Variants in MMS22L observed in about 807,000 individuals in gnomAD.
The protein encoded by MMS22L is MMS22 like, DNA repair protein, also known as protein MMS22-like.
Under a neutral mutation model 159.1 loss-of-function variants are expected in MMS22L, and 74 were observed. The observed-to-expected ratio is 0.47, with a 90% CI of 0.39 to 0.56. MMS22L has a LOEUF of 0.56. MMS22L is among the 20% of genes least tolerant of loss of function. The probability of loss-of-function intolerance (pLI) is 0.00; values close to 1 mark genes in which losing one functional copy is unlikely to be tolerated. For synonymous variants in MMS22L, 517 were observed against 506.9 expected (o/e 1.02, Z -0.27); for missense variants, 1,351 against 1,422.1 (o/e 0.95, Z 0.80).
Position 97,282,541 on chromosome 6 carries a change from T to C in MMS22L, c.-64A>G. 5.2e-6 allele frequency: 1 copy of C among 193,978 alleles called. No homozygotes were observed. The highest frequency in any genetic ancestry group is 8.1e-6 in the Non-Finnish European group (1 of 122,786). The allele number at this position is 193,978 out of a possible 1,614,324, so 12.0% of individuals were successfully genotyped here. A position where few individuals can be genotyped will look rare whatever the true frequency, so the allele number is the denominator to read the frequency against. On this transcript the variant is annotated 5_prime_UTR_variant, in exon 2 of 25. Transcript: ENST00000683635. The stretch of plus-strand genomic sequence containing the variant: ...ATCATTAAGGGCTCCAAAGAGAAGG[T>C]GTGAAGAGATTCCTGTTGGGGGGGG...
At chr6:97,183,540 C>T (rs1281285344) in intron 15 of MMS22L, among the ~76,000 whole-genome samples, 1 of 152,086 alleles carries the variant, frequency 6.6e-6, no homozygotes, top group Non-Finnish European at 1.5e-5. Flanking sequence ...GTCTTTTATT[C>T]TCTTAGGGTA....
intron 11 of MMS22L, among the ~76,000 whole-genome samples, chr6:97,246,389 T>G (rs1562501518): frequency 6.6e-6 from 1 of 152,232 alleles, no homozygotes; most frequent in Non-Finnish European, 1.5e-5. Context: ...ATCTACCACT[T>G]ATTTTGAATA....
chr6:97,220,464 T>C (rs1451924643), intron 14 of MMS22L, among the ~76,000 whole-genome samples: 2 of 152,172 alleles, frequency 1.3e-5, no homozygotes, highest in Non-Finnish European at 2.9e-5. Context: ...GTGTGAATTA[T>C]ATCTGAATAA....
intron 16 of MMS22L, among the ~76,000 whole-genome samples, chr6:97,180,267 A>T (rs1804576578): frequency 1.3e-5 from 2 of 151,960 alleles, no homozygotes; most frequent in South Asian, 4.2e-4. Flanking sequence ...ATGCCCGGCT[A>T]ATTTTTTGTA....
rs1800939044 is a variant in MMS22L at position 97,146,690 on chromosome 6, AT to A, written c.*115del. ...ACTTACAGATATAAAAGGAAAAAAAATCCTAGAAATTATTTTAAACAGAACA... is the reference window on the plus strand; with the variant it reads ...ACTTACAGATATAAAAGGAAAAAAAACCTAGAAATTATTTTAAACAGAACA... On this transcript the variant is annotated 3_prime_UTR_variant, in exon 25 of 25. Coordinates refer to ENST00000683635, the MANE Select transcript of MMS22L (RefSeq NM_001350599.2). 5 of 665,558 alleles carry A rather than the reference AT, an allele frequency of 7.5e-6. 1 individual carries two copies. The South Asian group carries it at 1.3e-4, about 17-fold the overall frequency. 41.2% of individuals were successfully genotyped at this position (665,558 alleles called of 1,614,324 possible).
intron 14 of MMS22L, among the ~76,000 whole-genome samples, chr6:97,220,430 C>G (rs1017855715): frequency 2.6e-5 from 4 of 152,014 alleles, no homozygotes; most frequent in African/African-American, 9.7e-5. Context: ...TATGAATATA[C>G]TAAAAACCAA....
chr6:97,233,706 G>A (rs1811103070), intron 12 of MMS22L, among the ~76,000 whole-genome samples, 155 bp downstream of exon 12: 1 of 152,020 alleles, frequency 6.6e-6, no homozygotes. Context: ...CAATGTTAAA[G>A]ATAAAACTAT....
intron 14 of MMS22L, among the ~76,000 whole-genome samples, chr6:97,188,524 C>A (rs914872940): frequency 6.6e-6 from 1 of 152,022 alleles, no homozygotes; most frequent in Non-Finnish European, 1.5e-5. Flanking sequence ...CTAAATATGC[C>A]CAAAGGTCAC....
At chr6:97,255,986 T>C (rs1813765571) in intron 9 of MMS22L, among the ~76,000 whole-genome samples, 1 of 152,146 alleles carries the variant, frequency 6.6e-6, no homozygotes, top group Admixed American at 6.5e-5. Context: ...TATTCTGTTT[T>C]AGAATATATC....
At chr6:97,250,820 T>A (rs1813156815) in intron 10 of MMS22L, among the ~76,000 whole-genome samples, 1 of 152,184 alleles carries the variant, frequency 6.6e-6, no homozygotes, top group African/African-American at 2.4e-5. Flanking sequence ...GCCACAAGAT[T>A]ATAGATATTT....
At chr6:97,175,149 T>C (rs1388446613) in intron 18 of MMS22L, among the ~76,000 whole-genome samples, 1 of 152,200 alleles carries the variant, frequency 6.6e-6, no homozygotes, top group East Asian at 1.9e-4. Context: ...AAAGTGATAA[T>C]GAACATTACA....
At chr6:97,281,969 T>G (rs1816791682) in intron 2 of MMS22L, among the ~76,000 whole-genome samples, 1 of 152,206 alleles carries the variant, frequency 6.6e-6, no homozygotes, top group African/African-American at 2.4e-5. Flanking sequence ...TAAATATTAC[T>G]GGAAAGCTCT....
intron 4 of MMS22L, 93 bp downstream of exon 4, chr6:97,278,756 T>C (rs111314814): frequency 3.0e-6 from 3 of 1,000,022 alleles, no homozygotes; most frequent in Non-Finnish European, 3.0e-6. Flanking sequence ...CTCTGTATTA[T>C]CATGATATGC....
chr6:97,265,299 C>T (rs936436717), intron 8 of MMS22L: 1 of 152,148 alleles, frequency 6.6e-6, no homozygotes, highest in East Asian at 1.9e-4. Context: ...AACTGGATAT[C>T]CACATACAGA....
chr6:97,234,047 A>C (rs1811143856), intron 11 of MMS22L, 67 bp from the exon 12 acceptor site: 1 of 1,536,284 alleles, frequency 6.5e-7, no homozygotes, highest in Non-Finnish European at 8.8e-7. Flanking sequence ...TTCACTTGAT[A>C]TTGTGCTGTA....
chr6:97,221,000 A>T (rs1809579224), intron 14 of MMS22L, among the ~76,000 whole-genome samples: 1 of 146,320 alleles, frequency 6.8e-6, no homozygotes, highest in Non-Finnish European at 1.5e-5. Flanking sequence ...ACACACACAC[A>T]CACGTCCATT....
intron 14 of MMS22L, among the ~76,000 whole-genome samples, chr6:97,222,925 A>G (rs1045880056): frequency 6.6e-6 from 1 of 152,170 alleles, no homozygotes; most frequent in African/African-American, 2.4e-5. Flanking sequence ...ATTAACCTCA[A>G]ATAACAGCAA....
chr6:97,269,581 A>G (rs543200926), intron 7 of MMS22L, among the ~76,000 whole-genome samples: 7 of 152,316 alleles, frequency 4.6e-5, no homozygotes, highest in Non-Finnish European at 8.8e-5. Context: ...GTACTAACAT[A>G]AACAGATCGC....
intron 18 of MMS22L, among the ~76,000 whole-genome samples, chr6:97,176,901 T>G (rs1410035220): frequency 6.6e-6 from 1 of 152,166 alleles, no homozygotes; most frequent in African/African-American, 2.4e-5. Context: ...CTAAGTCCTA[T>G]GAATCACAGA....
Sources: allele counts gnomAD v4.1 joint callset (sites outside exome capture counted in the v4.1 genomes callset), GRCh38; gene constraint gnomAD v4.1.1; transcripts MANE v1.5; gene names NCBI Gene and HGNC (gene_info 2026-07-23, HGNC 2026-07-21).